SCLT1: variants seen among roughly 807,000 people sequenced by gnomAD.
SCLT1 encodes the protein sodium channel and clathrin linker 1, also known as sodium channel-associated protein 1.
SCLT1 carries 78 observed loss-of-function variants against 112.8 expected under a neutral mutation model. That is an observed-to-expected ratio of 0.69 (90% confidence interval 0.58 to 0.83). The LOEUF is 0.83. Among genes scored for constraint, SCLT1 ranks in the 40% least tolerant of loss-of-function variants. The pLI is 0.00. For synonymous variants in SCLT1, 257 were observed against 254.7 expected (o/e 1.01, Z -0.09); for missense variants, 747 against 770.4 (o/e 0.97, Z 0.36).
chr4:129,002,001 A>G (rs548467203), intron 6 of SCLT1, among the ~76,000 whole-genome samples: 2 of 152,150 alleles, frequency 1.3e-5, no homozygotes, highest in Non-Finnish European at 2.9e-5. Flanking sequence ...CTTTCCATTC[A>G]TACATTAAAA....
At chr4:129,027,175 G>A (rs1746186557) in intron 5 of SCLT1, among the ~76,000 whole-genome samples, 1 of 152,144 alleles carries the variant, frequency 6.6e-6, no homozygotes, top group Non-Finnish European at 1.5e-5. Flanking sequence ...AATAGAAAAG[G>A]AGGGAATCTT....
chr4:128,903,371 G>GA (rs1734469606), intron 18 of SCLT1, among the ~76,000 whole-genome samples: 1 of 151,912 alleles, frequency 6.6e-6, no homozygotes, highest in South Asian at 2.1e-4. Flanking sequence ...GTCCATCGTT[G>GA]ACCAAAATGT....
chr4:128,993,114 G>A lies in SCLT1; in HGVS notation c.616-877C>T, dbSNP rs140515631. Among the ~76,000 whole-genome samples, 337 of 151,950 alleles carry A rather than the reference G, an allele frequency of 2.2e-3. 2 individuals carry two copies. The highest frequency in any genetic ancestry group is 0.015 in the East Asian group (77 of 5,160). ...GACTTCATATTTTTAACATACTATC[G>A]TATTTTCCTCTGCCCAGGATGTCCT... On this transcript the variant is annotated intron_variant, in intron 8 of 20. Transcript: ENST00000281142.
At chr4:128,974,135 T>C (rs767016610) in intron 9 of SCLT1, among the ~76,000 whole-genome samples, 2 of 152,190 alleles carry the variant, frequency 1.3e-5, no homozygotes, top group Admixed American at 6.5e-5. Flanking sequence ...TAAATTTTAC[T>C]GTAGTTTATA....
At chr4:129,049,935 T>C (rs757147583) in intron 2 of SCLT1, among the ~76,000 whole-genome samples, 2 of 152,094 alleles carry the variant, frequency 1.3e-5, no homozygotes, top group Non-Finnish European at 2.9e-5. Flanking sequence ...TTCCCCTCCT[T>C]GTGTCCCTGT....
chr4:129,046,995 T>C (rs116703146), intron 2 of SCLT1, among the ~76,000 whole-genome samples: 1,540 of 152,230 alleles, frequency 0.01, 10 homozygotes, highest in Non-Finnish European at 0.015. Flanking sequence ...GTAATTGTTT[T>C]AGTTATTAAT....
intron 18 of SCLT1, among the ~76,000 whole-genome samples, chr4:128,925,332 A>T (rs987228053): frequency 6.6e-6 from 1 of 152,042 alleles, no homozygotes; most frequent in African/African-American, 2.4e-5. Flanking sequence ...GTTTGGAAAA[A>T]ATTTGGCCGT....
chr4:128,923,444 CAAAAAAA>C (rs35945474), intron 18 of SCLT1, among the ~76,000 whole-genome samples: 1 of 81,400 alleles, frequency 1.2e-5, no homozygotes, highest in Non-Finnish European at 2.3e-5. Context: ...GACTCCATCT[CAAAAAAA>C]AAAAAAAAAA....
At chr4:129,058,595 G>A (rs759659659) in intron 2 of SCLT1, among the ~76,000 whole-genome samples, 11 of 152,022 alleles carry the variant, frequency 7.2e-5, no homozygotes, top group Admixed American at 2.6e-4. Context: ...TATTTTAATC[G>A]TTTTAATTTT....
intron 18 of SCLT1, among the ~76,000 whole-genome samples, chr4:128,911,050 G>C (rs1160425679): frequency 6.6e-6 from 1 of 152,080 alleles, no homozygotes; most frequent in Admixed American, 6.6e-5. Context: ...GATCACCTGA[G>C]GTCAGGAGTT....
At chr4:128,889,405 G>A (rs563482135) in intron 19 of SCLT1, among the ~76,000 whole-genome samples, 1 of 152,316 alleles carries the variant, frequency 6.6e-6, no homozygotes, top group South Asian at 2.1e-4. Context: ...AAGACACAGA[G>A]AGAACACAAT....
chr4:128,952,257 T>C (rs982324744), intron 14 of SCLT1: 6 of 434,906 alleles, frequency 1.4e-5, no homozygotes, highest in Non-Finnish European at 2.7e-5. Flanking sequence ...TTCTTGAAAA[T>C]TGTTATACTT....
intron 18 of SCLT1, among the ~76,000 whole-genome samples, chr4:128,906,601 G>C (rs908017904): frequency 6.6e-6 from 1 of 152,162 alleles, no homozygotes; most frequent in Non-Finnish European, 1.5e-5. Flanking sequence ...ATCCTTCACA[G>C]GAAGCTTATT....
At chr4:128,965,441 G>A (rs1196531380) in intron 10 of SCLT1, 123 bp from the exon 11 acceptor site, 12 of 657,492 alleles carry the variant, frequency 1.8e-5, no homozygotes, top group Admixed American at 1.2e-4. Flanking sequence ...TAACACTTAC[G>A]TTAAAAGAAA....
At chr4:128,944,896 T>C (rs1234446621) in intron 16 of SCLT1, 2 of 152,120 alleles carry the variant, frequency 1.3e-5, no homozygotes, top group African/African-American at 4.8e-5. Context: ...AAAGGACTCA[T>C]ATTGGAAAGA....
rs73850021 is a variant in SCLT1, at chr4:128,884,149, T to C, written c.*328A>G. ...TAGAATTTTCTTAAAAACTCTTTCT[T>C]ATGAAAGAGAAATTTGCATAGTTTG... is the stretch of plus-strand genomic sequence containing the variant. On this transcript the variant is annotated 3_prime_UTR_variant, in exon 21 of 21. Coordinates refer to ENST00000281142, the MANE Select transcript of SCLT1 (RefSeq NM_144643.4). 2,343 of 195,280 alleles carry C rather than the reference T, an allele frequency of 0.012. 60 individuals are homozygous for C. The highest frequency in any genetic ancestry group is 0.05 in the African/African-American group (2,173 of 43,348). The allele number at this position is 195,280 out of a possible 1,614,324, so 12.1% of individuals were successfully genotyped here.
At chr4:128,997,498 A>G (rs1031407938) in intron 8 of SCLT1, among the ~76,000 whole-genome samples, 5 of 151,944 alleles carry the variant, frequency 3.3e-5, no homozygotes, top group Admixed American at 3.3e-4. Context: ...TAGTTTCCTA[A>G]AACTTTTTAG....
chr4:128,983,307 C>A (rs1024670525), intron 9 of SCLT1, among the ~76,000 whole-genome samples: 8 of 152,082 alleles, frequency 5.3e-5, no homozygotes, highest in Non-Finnish European at 8.8e-5. Context: ...AATCTGAGCA[C>A]ATGAGAGTTG....
intron 18 of SCLT1, among the ~76,000 whole-genome samples, chr4:128,921,670 G>GTAAAACC (rs1311458651): frequency 6.6e-6 from 1 of 152,108 alleles, no homozygotes; most frequent in African/African-American, 2.4e-5. Flanking sequence ...AAAATTAAAT[G>GTAAAACC]TAAAACCTAA....
Sources: gnomAD v4.1 joint callset for allele counts (sites outside exome capture counted in the v4.1 genomes callset) on GRCh38, gnomAD v4.1.1 for gene constraint, MANE v1.5 for transcripts, NCBI Gene and HGNC (gene_info 2026-07-23, HGNC 2026-07-21) for gene names.